The following CLSTN2 variants were observed in gnomAD, a reference collection of about 807,000 sequenced individuals.
CLSTN2 encodes calsyntenin 2.
Under a neutral mutation model 101.2 loss-of-function variants are expected in CLSTN2, and 48 were observed. That is an observed-to-expected ratio of 0.47 (90% CI 0.38 to 0.60). The LOEUF (loss-of-function observed/expected upper bound fraction) is 0.60, where lower values mean the gene tolerates loss of function less well. Among genes scored for constraint, CLSTN2 ranks in the 20% least tolerant of loss-of-function variants. The pLI is 0.00. For missense variants in CLSTN2, 1,160 were observed against 1,238.2 expected, an observed-to-expected ratio of 0.94 and a Z score of 0.95; for synonymous variants, 481 against 463.6, an observed-to-expected ratio of 1.04 and a Z score of -0.48.
At chr3:140,220,744 A>G (rs940163960) in intron 2 of CLSTN2, among the ~76,000 whole-genome samples, 1 of 152,240 alleles carries the variant, frequency 6.6e-6, no homozygotes, top group African/African-American at 2.4e-5. Flanking sequence ...TAGTGAAGAG[A>G]AAGAACAGAA....
rs77613868 is a variant in CLSTN2 at position 140,470,203 on chromosome 3, C to T, written c.1344+3472C>T. On this transcript the variant is annotated intron_variant, in intron 8 of 16. Coordinates refer to ENST00000458420, the MANE Select transcript of CLSTN2 (RefSeq NM_022131.3). ...TTCTGAGCACAAACTGTGCTCTAGG[C>T]TCTGTGTGGGGTACCTGGGATTAGT... is the stretch of plus-strand genomic sequence containing the variant. Among the ~76,000 whole-genome samples, 1,125 of 152,352 alleles carry T rather than the reference C, an allele frequency of 7.4e-3. 8 individuals are homozygous for T. The highest frequency in any genetic ancestry group is 0.011 in the Non-Finnish European group (762 of 68,032).
intron 1 of CLSTN2, among the ~76,000 whole-genome samples, chr3:139,990,415 T>C (rs559976496): frequency 5.9e-5 from 9 of 152,266 alleles, no homozygotes; most frequent in African/African-American, 2.2e-4. Flanking sequence ...GATTTAGGTG[T>C]TTCTAGGACC....
chr3:140,298,707 C>T (rs982627247), intron 2 of CLSTN2, among the ~76,000 whole-genome samples: 1 of 152,196 alleles, frequency 6.6e-6, no homozygotes, highest in Non-Finnish European at 1.5e-5. Context: ...AATAAACTTC[C>T]TCCAAAAGCC....
At chr3:140,121,405 T>C (rs189065982) in intron 1 of CLSTN2, among the ~76,000 whole-genome samples, 1 of 152,264 alleles carries the variant, frequency 6.6e-6, no homozygotes, top group African/African-American at 2.4e-5. Context: ...GCTGGCTGGA[T>C]AGGTGAGCTT....
chr3:140,112,365 G>C (rs2350495), intron 1 of CLSTN2, among the ~76,000 whole-genome samples: 1 of 73,098 alleles, frequency 1.4e-5, no homozygotes, highest in Admixed American at 1.7e-4. Context: ...GTGTGTGTGT[G>C]TGTGTTTTTT....
intron 1 of CLSTN2, among the ~76,000 whole-genome samples, chr3:140,083,890 AT>A (rs1240158555): frequency 6.6e-6 from 1 of 152,078 alleles, no homozygotes; most frequent in Non-Finnish European, 1.5e-5. Flanking sequence ...GTGTTTTTTC[AT>A]TTCTTTTAAA....
chr3:140,199,299 T>C (rs1046695011), intron 2 of CLSTN2, among the ~76,000 whole-genome samples: 1 of 152,230 alleles, frequency 6.6e-6, no homozygotes, highest in Admixed American at 6.5e-5. Context: ...ATGTAGGCTT[T>C]CTTCATCAGA....
At chr3:140,536,888 T>G (rs1935370701) in intron 9 of CLSTN2, among the ~76,000 whole-genome samples, 1 of 152,178 alleles carries the variant, frequency 6.6e-6, no homozygotes, top group African/African-American at 2.4e-5. Context: ...GACCAAACCC[T>G]GGGACACCAC....
chr3:140,081,757 A>G (rs1247503023), intron 1 of CLSTN2, among the ~76,000 whole-genome samples: 1 of 152,186 alleles, frequency 6.6e-6, no homozygotes, highest in Non-Finnish European at 1.5e-5. Context: ...AGCCTTGCTC[A>G]TTCCGATCAA....
intron 1 of CLSTN2, 93 bp from the exon 2 acceptor site, chr3:140,175,858 A>G (rs2010315335): frequency 2.4e-6 from 3 of 1,230,530 alleles, no homozygotes; most frequent in African/African-American, 1.5e-5. Flanking sequence ...ATGAGAGTCT[A>G]TGATTGGGCA....
At chr3:139,972,015 G>A (rs1450023189) in intron 1 of CLSTN2, among the ~76,000 whole-genome samples, 1 of 152,138 alleles carries the variant, frequency 6.6e-6, no homozygotes, top group Non-Finnish European at 1.5e-5. Context: ...TGTAATCCCA[G>A]TACTTTGGGA....
chr3:140,248,024 AG>A (rs1249037894), intron 2 of CLSTN2, among the ~76,000 whole-genome samples: 2 of 152,154 alleles, frequency 1.3e-5, no homozygotes, highest in Admixed American at 1.3e-4. Context: ...TATGAGTACT[AG>A]GTGGTTCCAA....
intron 2 of CLSTN2, among the ~76,000 whole-genome samples, chr3:140,215,914 A>G (rs996556095): frequency 2.2e-4 from 33 of 152,206 alleles, no homozygotes; most frequent in African/African-American, 7.2e-4. Flanking sequence ...AACACTAGGT[A>G]TTTCAAACAA....
chr3:140,090,519 G>T (rs770323743), intron 1 of CLSTN2, among the ~76,000 whole-genome samples: 23 of 152,086 alleles, frequency 1.5e-4, no homozygotes, highest in Non-Finnish European at 2.9e-4. Flanking sequence ...ATAATGGATG[G>T]CCAAATGCAG....
At chr3:140,261,591 C>T (rs1003458247) in intron 2 of CLSTN2, among the ~76,000 whole-genome samples, 1 of 151,222 alleles carries the variant, frequency 6.6e-6, no homozygotes, top group South Asian at 2.1e-4. Context: ...CTGGGTGCTA[C>T]GTGTACTTGC....
chr3:140,277,612 A>G (rs2086806466), intron 2 of CLSTN2, among the ~76,000 whole-genome samples: 1 of 152,204 alleles, frequency 6.6e-6, no homozygotes, highest in Non-Finnish European at 1.5e-5. Flanking sequence ...GCATAATTGA[A>G]TTATACCAAC....
intron 2 of CLSTN2, among the ~76,000 whole-genome samples, chr3:140,351,792 G>GTT (rs398062856): frequency 0.37 from 54,562 of 146,948 alleles, 11,110 homozygotes; most frequent in Non-Finnish European, 0.48. Flanking sequence ...GTTTTGTTTT[G>GTT]TTTTTTTTTT....
chr3:140,348,463 C>G (rs761840748), intron 2 of CLSTN2, among the ~76,000 whole-genome samples: 7 of 152,154 alleles, frequency 4.6e-5, no homozygotes, highest in Admixed American at 3.9e-4. Flanking sequence ...CAGGCCAGGG[C>G]AGTACCCCCT....
chr3:140,199,755 A>T (rs1331390419), intron 2 of CLSTN2, among the ~76,000 whole-genome samples: 1 of 152,212 alleles, frequency 6.6e-6, no homozygotes, highest in African/African-American at 2.4e-5. Context: ...TAAGCACCCC[A>T]GTTGAATCTG....
Sources: gnomAD v4.1 joint callset for allele counts (sites outside exome capture counted in the v4.1 genomes callset) on GRCh38, gnomAD v4.1.1 for gene constraint, MANE v1.5 for transcripts, NCBI Gene and HGNC (gene_info 2026-07-23, HGNC 2026-07-21) for gene names.